The following R3HDM1 variants were observed in gnomAD, a reference collection of about 807,000 sequenced individuals.
R3HDM1 encodes the protein R3H domain-containing protein 1.
A neutral mutation model predicts 141.1 loss-of-function variants in R3HDM1; 46 were observed. The observed-to-expected ratio is 0.33, with a 90% CI of 0.26 to 0.42. R3HDM1 has a LOEUF of 0.42. Ranked by LOEUF, R3HDM1 falls within the 10% of genes least tolerant of loss-of-function variation. R3HDM1 has a pLI of 1.00. For missense variants in R3HDM1, 1,184 were observed against 1,368.3 expected, an observed-to-expected ratio of 0.87 and a Z score of 2.12; for synonymous variants, 435 against 472.9, an observed-to-expected ratio of 0.92 and a Z score of 1.04.
intron 3 of R3HDM1, among the ~76,000 whole-genome samples, chr2:135,610,133 C>T (rs1434370527): frequency 6.6e-6 from 1 of 152,082 alleles, no homozygotes; most frequent in African/African-American, 2.4e-5. Context: ...GAACTCTGTG[C>T]TCTGCTTATT....
rs1242882756 is a variant in R3HDM1 at position 135,616,724 on chromosome 2, A to T, written c.270A>T (p.Pro90=). Residue 90 remains proline (P), a synonymous_variant, in exon 5 of 27, where the codon CCA becomes CCT. Coordinates refer to ENST00000683871, the MANE Select transcript of R3HDM1 (RefSeq NM_001378107.1). ...TTGCAGTGTGTGAAGAATCTCCACC[A>T]CCCCCTGCACCAGAGATATCACAGG... ...RSLAVCEESP[P]PPAPEISQEN... The T allele has an allele frequency of 6.2e-7, 1 of 1,608,612 alleles. No homozygotes were observed. Among genetic ancestry groups the T allele is most frequent in the South Asian group, 1.1e-5 (1 of 90,226 alleles).
intron 1 of R3HDM1, chr2:135,597,337 G>C: frequency 1.1e-6 from 1 of 913,444 alleles, no homozygotes; most frequent in African/African-American, 1.8e-5. Flanking sequence ...TGGTTATTTG[G>C]TAAATTTTTG....
intron 21 of R3HDM1, among the ~76,000 whole-genome samples, chr2:135,706,129 GAAAAAAA>G (rs1202285123): frequency 1.1e-5 from 1 of 95,096 alleles, no homozygotes; most frequent in Non-Finnish European, 2.1e-5. Context: ...ACTCCATCTC[GAAAAAAA>G]AAAAAAAAAA....
chr2:135,670,880 G>A (rs1489791294), intron 19 of R3HDM1, among the ~76,000 whole-genome samples: 1 of 151,772 alleles, frequency 6.6e-6, no homozygotes, highest in Non-Finnish European at 1.5e-5. Flanking sequence ...GCAACATGGC[G>A]AAACCCTGAA....
chr2:135,604,355 A>G (rs1478432628), intron 2 of R3HDM1, among the ~76,000 whole-genome samples: 1 of 152,240 alleles, frequency 6.6e-6, no homozygotes, highest in Non-Finnish European at 1.5e-5. Flanking sequence ...ATTATTCTCC[A>G]GCCATTACCT....
chr2:135,538,803 G>A (rs1228451929), intron 1 of R3HDM1, among the ~76,000 whole-genome samples: 3 of 151,980 alleles, frequency 2.0e-5, no homozygotes, highest in East Asian at 1.9e-4. Flanking sequence ...TGGTAGAGAC[G>A]GGGTTTCACC....
intron 19 of R3HDM1, 53 bp downstream of exon 19, chr2:135,661,446 C>G: frequency 6.3e-7 from 1 of 1,583,200 alleles, no homozygotes; most frequent in Non-Finnish European, 8.7e-7. Context: ...TTTCCATCTT[C>G]TATTTCAGTG....
At chr2:135,704,961 G>A (rs1260010869) in intron 21 of R3HDM1, among the ~76,000 whole-genome samples, 3 of 152,094 alleles carry the variant, frequency 2.0e-5, no homozygotes, top group East Asian at 1.9e-4. Context: ...CATCTTGTAA[G>A]CAATTTTAAT....
At chr2:135,582,492 A>G (rs966065616) in intron 1 of R3HDM1, among the ~76,000 whole-genome samples, 2 of 152,154 alleles carry the variant, frequency 1.3e-5, no homozygotes, top group African/African-American at 4.8e-5. Flanking sequence ...CAGAGTTGAA[A>G]TGCCTTGGTC....
At chr2:135,706,930 C>G in intron 21 of R3HDM1, among the ~76,000 whole-genome samples, 1 of 152,094 alleles carries the variant, frequency 6.6e-6, no homozygotes. Flanking sequence ...GGCAGAGGGG[C>G]TCCTCACTTC....
At chr2:135,540,974 A>G (rs1266654794) in intron 1 of R3HDM1, among the ~76,000 whole-genome samples, 1 of 152,188 alleles carries the variant, frequency 6.6e-6, no homozygotes, top group African/African-American at 2.4e-5. Flanking sequence ...TTATCAACGA[A>G]CAGTAAGTTT....
rs112935222 is a variant in R3HDM1 at position 135,585,462 on chromosome 2, T to TA, written c.-249-17037dup. Among the ~76,000 whole-genome samples, 15 of 152,298 alleles carry TA rather than the reference T, an allele frequency of 9.8e-5. 1 individual carries two copies. Among genetic ancestry groups the TA allele is most frequent in the African/African-American group, 3.6e-4 (15 of 41,570 alleles). ...GTATGAGCATTGTCTGATGGATCCT[T>TA]ACAACATTCCTGTATGCTTTTGGAA... On this transcript the variant is annotated intron_variant, in intron 1 of 26. Coordinates refer to ENST00000683871, the MANE Select transcript of R3HDM1 (RefSeq NM_001378107.1).
chr2:135,533,854 C>G, intron 1 of R3HDM1: 1 of 397,364 alleles, frequency 2.5e-6, no homozygotes, highest in Non-Finnish European at 3.4e-6. Context: ...GTCTGGGCAA[C>G]AAGAGCGAAA....
chr2:135,531,742 G>A, intron 1 of R3HDM1, 109 bp downstream of exon 1: 2 of 985,876 alleles, frequency 2.0e-6, no homozygotes, highest in Non-Finnish European at 2.4e-6. Context: ...GCAGGCAGGG[G>A]AGAGATGTGG....
At chr2:135,722,061 A>C in intron 25 of R3HDM1, 55 bp downstream of exon 25, 3 of 1,542,456 alleles carry the variant, frequency 1.9e-6, no homozygotes, top group Non-Finnish European at 9.0e-7. Flanking sequence ...TAGCTCCCTC[A>C]GAGTGTAAGG....
At chr2:135,620,069 T>G (rs553430484) in intron 5 of R3HDM1, among the ~76,000 whole-genome samples, 12 of 152,254 alleles carry the variant, frequency 7.9e-5, no homozygotes, top group Non-Finnish European at 1.5e-4. Context: ...AAAAATATAG[T>G]TCATCTTGAT....
chr2:135,705,170 T>C (rs930899404), intron 21 of R3HDM1, among the ~76,000 whole-genome samples: 1 of 152,254 alleles, frequency 6.6e-6, no homozygotes, highest in African/African-American at 2.4e-5. Flanking sequence ...TGTACATTTT[T>C]ATGTTTGGCT....
chr2:135,619,687 G>T, intron 5 of R3HDM1: 3 of 919,300 alleles, frequency 3.3e-6, no homozygotes, highest in Non-Finnish European at 3.9e-6. Flanking sequence ...CTCATGAAAG[G>T]TACTAGTATC....
intron 1 of R3HDM1, among the ~76,000 whole-genome samples, chr2:135,536,346 G>A (rs559356993): frequency 1.4e-4 from 21 of 152,234 alleles, no homozygotes; most frequent in African/African-American, 4.8e-4. Flanking sequence ...GGTTCTTACT[G>A]TGTTACCCAG....
Sources: gnomAD v4.1 joint callset for allele counts (sites outside exome capture counted in the v4.1 genomes callset) on GRCh38, gnomAD v4.1.1 for gene constraint, MANE v1.5 for transcripts, NCBI Gene and HGNC (gene_info 2026-07-23, HGNC 2026-07-21) for gene names.